The following L3MBTL4 variants were observed in gnomAD, a reference collection of about 807,000 sequenced individuals.
L3MBTL4 encodes L3MBTL histone methyl-lysine binding protein 4, also known as lethal(3)malignant brain tumor-like protein 4.
L3MBTL4 carries 70 observed loss-of-function variants against 84.5 expected under a neutral mutation model. That is an observed-to-expected ratio of 0.83 (90% CI 0.68 to 1.01). L3MBTL4 has a LOEUF of 1.01. L3MBTL4 is among the 50% of genes least tolerant of loss of function. L3MBTL4 has a pLI of 0.00. For missense variants in L3MBTL4, 715 were observed against 754.8 expected (o/e 0.95, Z 0.62); for synonymous variants, 274 against 259.8 (o/e 1.05, Z -0.52).
chr18:6,230,395 C>T (rs486592), intron 10 of L3MBTL4, among the ~76,000 whole-genome samples: 1 of 152,226 alleles, frequency 6.6e-6, no homozygotes, highest in East Asian at 1.9e-4. Flanking sequence ...ATCCACATTG[C>T]TATAAAGGAC....
chr18:6,337,868 G>GA (rs1368327189), intron 1 of L3MBTL4, among the ~76,000 whole-genome samples: 4 of 151,648 alleles, frequency 2.6e-5, no homozygotes, highest in African/African-American at 4.8e-5. Context: ...TAAACACAAA[G>GA]AAAAAAATCT....
In L3MBTL4 at chr18:6,002,765, T is replaced by C. The variant is rs149273137; in HGVS notation, c.1445-33203A>G. Among the ~76,000 whole-genome samples, 294 of 151,836 alleles carry C rather than the reference T, an allele frequency of 1.9e-3. 4 individuals carry two copies. The East Asian group carries it at 0.05, about 26-fold the overall frequency. On this transcript the variant is annotated intron_variant, in intron 16 of 18. Transcript: ENST00000317931. Reference sequence around the variant, plus strand: ...CACTAAACACAAAAGAATACAATAATGTAGAAAATGAAGGCTAGAAATCCT... The same window carrying C: ...CACTAAACACAAAAGAATACAATAACGTAGAAAATGAAGGCTAGAAATCCT...
chr18:5,957,960 A>C lies in L3MBTL4; in HGVS notation c.1678-1573T>G, dbSNP rs542746181. 2.8e-4 allele frequency among the ~76,000 whole-genome samples: 13 copies of C among 46,528 alleles called. No homozygotes were observed. The East Asian group carries it at 3.3e-3, about 12-fold the overall frequency. The allele number at this position is 46,528 out of a possible 152,430, so 30.5% of individuals were successfully genotyped here. ...GGGCAACAGATAGAGACTCCACCTC[A>C]AAAAAAAAAAAAGAAGGGAAGAAGA... On this transcript the variant is annotated intron_variant, in intron 18 of 18. Coordinates refer to ENST00000317931, the MANE Select transcript of L3MBTL4 (RefSeq NM_001330559.2).
chr18:5,982,590 C>G (rs183614378), intron 16 of L3MBTL4, among the ~76,000 whole-genome samples: 1 of 152,182 alleles, frequency 6.6e-6, no homozygotes, highest in South Asian at 2.1e-4. Flanking sequence ...ATGCCCCGTA[C>G]AGAGTCAACG....
At chr18:6,385,408 A>T (rs1470132305) in intron 1 of L3MBTL4, among the ~76,000 whole-genome samples, 1 of 152,198 alleles carries the variant, frequency 6.6e-6, no homozygotes, top group Non-Finnish European at 1.5e-5. Context: ...TCTCAAAAGT[A>T]AATAAATAAT....
At chr18:6,258,473 G>C (rs1032133907) in intron 5 of L3MBTL4, among the ~76,000 whole-genome samples, 1 of 152,210 alleles carries the variant, frequency 6.6e-6, no homozygotes, top group Non-Finnish European at 1.5e-5. Context: ...ATCCTGGCAA[G>C]AGAATGGCTG....
At chr18:6,323,137 A>T (rs73389603) in intron 1 of L3MBTL4, among the ~76,000 whole-genome samples, 110 of 152,300 alleles carry the variant, frequency 7.2e-4, no homozygotes, top group African/African-American at 2.5e-3. Context: ...AGTTGATGCC[A>T]CCATGCTTCC....
At chr18:6,266,517 T>TGCAC (rs1339292147) in intron 4 of L3MBTL4, among the ~76,000 whole-genome samples, 1 of 152,184 alleles carries the variant, frequency 6.6e-6, no homozygotes, top group African/African-American at 2.4e-5. Context: ...GGAGGTAAGA[T>TGCAC]GCACCTCTCA....
At chr18:5,998,413 G>C (rs190602378) in intron 16 of L3MBTL4, among the ~76,000 whole-genome samples, 90 of 152,298 alleles carry the variant, frequency 5.9e-4, no homozygotes, top group African/African-American at 2.1e-3. Context: ...TGGTCTGTTA[G>C]CCTCAGAGAA....
At chr18:6,381,916 C>T (rs1771311808) in intron 1 of L3MBTL4, among the ~76,000 whole-genome samples, 1 of 152,182 alleles carries the variant, frequency 6.6e-6, no homozygotes, top group African/African-American at 2.4e-5. Flanking sequence ...GGATAATATC[C>T]TGAGAGTGTT....
intron 16 of L3MBTL4, among the ~76,000 whole-genome samples, chr18:5,987,970 T>C (rs993299511): frequency 1.3e-5 from 2 of 152,240 alleles, no homozygotes; most frequent in Admixed American, 1.3e-4. Context: ...TAATGCATAT[T>C]ACAATATATA....
chr18:6,039,009 C>G (rs1272074045), intron 16 of L3MBTL4, among the ~76,000 whole-genome samples: 2 of 151,948 alleles, frequency 1.3e-5, no homozygotes, highest in Non-Finnish European at 2.9e-5. Flanking sequence ...TTCTTTCTCT[C>G]TCCCCCAACC....
chr18:6,047,459 T>G (rs905347420), intron 16 of L3MBTL4, among the ~76,000 whole-genome samples: 1 of 152,062 alleles, frequency 6.6e-6, no homozygotes, highest in Non-Finnish European at 1.5e-5. Flanking sequence ...AAAAAAAGAT[T>G]TCAGGCCAAT....
chr18:6,361,647 GA>G (rs937655548), intron 1 of L3MBTL4, among the ~76,000 whole-genome samples: 1 of 152,210 alleles, frequency 6.6e-6, no homozygotes, highest in African/African-American at 2.4e-5. Context: ...AAAGGAAAAT[GA>G]AGGCGATCTT....
intron 13 of L3MBTL4, among the ~76,000 whole-genome samples, chr18:6,166,270 T>A (rs553630665): frequency 1.3e-5 from 2 of 152,108 alleles, no homozygotes; most frequent in African/African-American, 4.8e-5. Flanking sequence ...GACAGATCAA[T>A]GAGACAGAAA....
intron 14 of L3MBTL4, among the ~76,000 whole-genome samples, chr18:6,116,281 T>G (rs1055636337): frequency 2.6e-5 from 4 of 151,346 alleles, no homozygotes; most frequent in Non-Finnish European, 5.9e-5. Context: ...CAAGAAGTGC[T>G]GGGGGCATGG....
chr18:6,162,246 T>C (rs747123993), intron 13 of L3MBTL4, among the ~76,000 whole-genome samples: 4 of 152,068 alleles, frequency 2.6e-5, no homozygotes, highest in Non-Finnish European at 1.5e-5. Context: ...CTCTATAAAA[T>C]ATAGAGTAGA....
intron 1 of L3MBTL4, among the ~76,000 whole-genome samples, chr18:6,327,170 TGAG>T (rs918788942): frequency 1.3e-5 from 2 of 152,184 alleles, no homozygotes; most frequent in African/African-American, 4.8e-5. Context: ...CACATCCTGC[TGAG>T]GAGGTGAAAA....
At chr18:6,339,398 A>G (rs1370680902) in intron 1 of L3MBTL4, among the ~76,000 whole-genome samples, 1 of 152,186 alleles carries the variant, frequency 6.6e-6, no homozygotes, top group African/African-American at 2.4e-5. Context: ...ATATCAAAAT[A>G]ATCAAAGAAT....
Sources: gnomAD v4.1 joint callset for allele counts (sites outside exome capture counted in the v4.1 genomes callset) on GRCh38, gnomAD v4.1.1 for gene constraint, MANE v1.5 for transcripts, NCBI Gene and HGNC (gene_info 2026-07-23, HGNC 2026-07-21) for gene names.